SKIL: variants seen among roughly 807,000 people sequenced by gnomAD.
SKIL encodes ski-like protein.
SKIL carries 20 observed loss-of-function variants against 69.6 expected under a neutral mutation model. The ratio of observed to expected loss-of-function variants is 0.29; its 90% CI spans 0.20 to 0.42. The LOEUF (loss-of-function observed/expected upper bound fraction) is 0.42. Ranked by LOEUF, SKIL falls within the 10% of genes least tolerant of loss-of-function variation. The pLI, the probability that SKIL is intolerant of heterozygous loss-of-function variation, is 1.00. For synonymous variants in SKIL, 310 were observed against 279.9 expected, an observed-to-expected ratio of 1.11 and a Z score of -1.08; for missense variants, 745 against 783.1, an observed-to-expected ratio of 0.95 and a Z score of 0.58.
rs1736146187 is a variant in SKIL, at chr3:170,360,088, CTCTTT to C, written c.-238_-234del. The C allele has an allele frequency of 1.0e-5, 4 of 396,584 alleles. No homozygotes were observed. Among genetic ancestry groups the C allele is most frequent in the South Asian group, 1.2e-4 (2 of 17,372 alleles). The allele number at this position is 396,584 out of a possible 1,614,324, so 24.6% of individuals were successfully genotyped here. A position where few individuals can be genotyped will look rare whatever the true frequency, so the allele number is the denominator to read the frequency against. ...AACAAAGGCATCCTCAGAGGTGTGC[CTCTTT>C]TCTTTATTATTAGAGGCAAAACGAA... On this transcript the variant is annotated 5_prime_UTR_variant, in exon 2 of 7. Coordinates refer to ENST00000259119, the MANE Select transcript of SKIL (RefSeq NM_005414.5).
intron 2 of SKIL, among the ~76,000 whole-genome samples, chr3:170,368,003 T>G (rs982171828): frequency 3.3e-5 from 5 of 152,182 alleles, no homozygotes; most frequent in Non-Finnish European, 5.9e-5. Flanking sequence ...GGAGTAATAA[T>G]AGTACAAAAT....
chr3:170,366,442 G>A (rs1037331470), intron 2 of SKIL, among the ~76,000 whole-genome samples: 1 of 152,110 alleles, frequency 6.6e-6, no homozygotes, highest in Non-Finnish European at 1.5e-5. Context: ...CACTTTGGGA[G>A]GCTGAGTTGG....
In SKIL at chr3:170,392,582, T is replaced by C; in HGVS notation, c.*165T>C. The C allele has an allele frequency of 2.4e-6, 1 of 418,172 alleles. No homozygotes were observed. The allele number at this position is 418,172 out of a possible 1,614,324, so 25.9% of individuals were successfully genotyped here. A position where few individuals can be genotyped will look rare whatever the true frequency, so the allele number is the denominator to read the frequency against. ...AGAGATTATATATTAGTACTTAAAT[T>C]TTTACATTTTCCAAATGAATGAAAA... On this transcript the variant is annotated 3_prime_UTR_variant, in exon 7 of 7. Coordinates refer to ENST00000259119, the MANE Select transcript of SKIL (RefSeq NM_005414.5).
chr3:170,372,771 T>A (rs1736852428), intron 2 of SKIL, among the ~76,000 whole-genome samples: 1 of 152,180 alleles, frequency 6.6e-6, no homozygotes, highest in Non-Finnish European at 1.5e-5. Context: ...CAGTCATATG[T>A]TTAGTAAGGT....
chr3:170,377,243 C>T (rs1298488366), intron 2 of SKIL, among the ~76,000 whole-genome samples: 3 of 151,176 alleles, frequency 2.0e-5, no homozygotes, highest in Non-Finnish European at 4.4e-5. Context: ...TTTCTGTTTT[C>T]CTTTTTTTTT....
In SKIL at chr3:170,361,067, C is replaced by T. The variant is rs1348890674; in HGVS notation, c.736C>T (p.Leu246Phe). 1.2e-6 allele frequency: 2 copies of T among 1,614,112 alleles called. No individual in the cohort carries two copies. Among genetic ancestry groups the T allele is most frequent in the African/African-American group, 2.7e-5 (2 of 74,948 alleles). The part of the protein sequence containing the change: ...PRTFPQNGSV[L>F]PAKSSLAQLK... ...AACTTTTCCTCAAAATGGTAGCGTA[C>T]TTCCTGCTAAAAGCTCATTGGCCCA... is the stretch of plus-strand genomic sequence containing the variant. Residue 246 changes from leucine (L) to phenylalanine (F), a missense_variant, in exon 2 of 7, where the codon CTT becomes TTT. Coordinates refer to ENST00000259119, the MANE Select transcript of SKIL (RefSeq NM_005414.5).
chr3:170,369,599 A>T (rs1736700798), intron 2 of SKIL, among the ~76,000 whole-genome samples: 1 of 152,056 alleles, frequency 6.6e-6, no homozygotes, highest in Admixed American at 6.5e-5. Flanking sequence ...ATGTGGTTTC[A>T]CCATATTGGT....
chr3:170,374,589 A>G (rs1384403021), intron 2 of SKIL, among the ~76,000 whole-genome samples: 1 of 152,206 alleles, frequency 6.6e-6, no homozygotes, highest in African/African-American at 2.4e-5. Flanking sequence ...CCATTTAATT[A>G]TATTGTTCTT....
intron 2 of SKIL, among the ~76,000 whole-genome samples, chr3:170,375,014 T>C (rs1736963776): frequency 6.6e-6 from 1 of 152,226 alleles, no homozygotes; most frequent in East Asian, 1.9e-4. Flanking sequence ...ATTCAACAAA[T>C]AATAGATATT....
intron 2 of SKIL, among the ~76,000 whole-genome samples, chr3:170,369,433 C>T (rs950208012): frequency 2.0e-5 from 3 of 151,724 alleles, no homozygotes; most frequent in Non-Finnish European, 4.4e-5. Context: ...AGGAGTTTTG[C>T]TCTTGTAGCT....
In SKIL at chr3:170,394,802, C is replaced by T. The variant is rs1340770575; in HGVS notation, c.*2385C>T. 2 of 152,144 alleles carry T rather than the reference C, an allele frequency of 1.3e-5. No homozygotes were observed. Among genetic ancestry groups the T allele is most frequent in the Non-Finnish European group, 2.9e-5 (2 of 68,024 alleles). 9.4% of individuals were successfully genotyped at this position (152,144 alleles called of 1,614,324 possible). A position where few individuals can be genotyped will look rare whatever the true frequency, so the allele number is the denominator to read the frequency against. ...TATTATTGTTAAAAGTAACTTTAAA[C>T]TGCAACACATAGCTTCAAAACAATA... On this transcript the variant is annotated 3_prime_UTR_variant, in exon 7 of 7. Transcript: ENST00000259119.
rs767309312 is a variant in SKIL, at chr3:170,360,403, T to C, written c.72T>C (p.Asp24=). The C allele has an allele frequency of 3.1e-6, 5 of 1,611,310 alleles. No individual in the cohort carries two copies. The South Asian group carries it at 5.5e-5, about 18-fold the overall frequency. Residue 24 remains aspartate (D), a synonymous_variant, in exon 2 of 7, where the codon GAT becomes GAC. Coordinates refer to ENST00000259119, the MANE Select transcript of SKIL (RefSeq NM_005414.5). The part of the protein sequence containing the change: ...STKKLNGMGD[D]GSPPAKKMIT... ...AAAAACTGAATGGGATGGGAGATGA[T>C]GGCAGCCCCCCAGCGAAAAAAATGA...
intron 3 of SKIL, among the ~76,000 whole-genome samples, chr3:170,384,041 A>G (rs1392576641): frequency 1.3e-5 from 2 of 151,850 alleles, no homozygotes; most frequent in Non-Finnish European, 2.9e-5. Flanking sequence ...ACTTGCCAAA[A>G]AAAAAAAAAA....
chr3:170,375,146 G>T (rs776089187), intron 2 of SKIL, among the ~76,000 whole-genome samples: 1 of 152,190 alleles, frequency 6.6e-6, no homozygotes, highest in Non-Finnish European at 1.5e-5. Context: ...ACTTAACAGG[G>T]ATTTTAAATA....
At chr3:170,378,501 C>G (rs992776735) in intron 2 of SKIL, among the ~76,000 whole-genome samples, 2 of 150,244 alleles carry the variant, frequency 1.3e-5, no homozygotes, top group Non-Finnish European at 3.0e-5. Flanking sequence ...GGCAAAACAG[C>G]TTTGCTACTT....
Position 170,381,246 on chromosome 3 carries a change from A to G in SKIL, c.1101A>G (p.Thr367=). The change falls in exon 3 of 7, where the codon ACA becomes ACG. Residue 367 remains threonine, a splice_region_variant and synonymous_variant. Transcript: ENST00000259119. The part of the protein sequence containing the change: ...MRSGKRNQSK[T]DAPSGMELQS... ...TTCCCTTCCATGTTTTTCTGCAGAC[A>G]GATGCACCATCAGGAATGGAATTAC... The G allele has an allele frequency of 6.5e-7, 1 of 1,539,084 alleles. No individual in the cohort carries two copies. Among genetic ancestry groups the G allele is most frequent in the Non-Finnish European group, 9.0e-7 (1 of 1,111,656 alleles).
chr3:170,391,387 A>C, intron 6 of SKIL, 127 bp downstream of exon 6: 31 of 599,120 alleles, frequency 5.2e-5, no homozygotes, highest in East Asian at 1.2e-4. Context: ...GCACAATCTC[A>C]GCTCCCCACA....
rs559327626 is a variant in SKIL, at chr3:170,394,115, A to ATTTTTTTTT, written c.*1721_*1729dup. The ATTTTTTTTT allele has an allele frequency of 1.5e-4, 11 of 74,366 alleles. No homozygotes were observed. The highest frequency in any genetic ancestry group is 5.2e-4 in the African/African-American group (10 of 19,336). 4.6% of individuals were successfully genotyped at this position (74,366 alleles called of 1,614,324 possible). A position where few individuals can be genotyped will look rare whatever the true frequency, so the allele number is the denominator to read the frequency against. On this transcript the variant is annotated 3_prime_UTR_variant, in exon 7 of 7. Transcript: ENST00000259119. ...ATATTAAAATGACATGTAGAAACAAATTTTTTTTTTTTTTTTTTTTTTTTT... is the reference window on the plus strand; with the variant it reads ...ATATTAAAATGACATGTAGAAACAAATTTTTTTTTTTTTTTTTTTTTTTTTTTTTTTTTT...
At chr3:170,369,116 A>G (rs1218681629) in intron 2 of SKIL, among the ~76,000 whole-genome samples, 2 of 133,836 alleles carry the variant, frequency 1.5e-5, no homozygotes, top group Non-Finnish European at 3.1e-5. Flanking sequence ...TGAAATCTGT[A>G]GAGTGGCTTT....
Sources: gnomAD v4.1 joint callset for allele counts (sites outside exome capture counted in the v4.1 genomes callset) on GRCh38, gnomAD v4.1.1 for gene constraint, MANE v1.5 for transcripts, NCBI Gene and HGNC (gene_info 2026-07-23, HGNC 2026-07-21) for gene names.